SP140: variants seen among roughly 807,000 people sequenced by gnomAD.
The protein encoded by SP140 is SP140 nuclear body protein, also known as nuclear body protein SP140.
Under a neutral mutation model 125.0 loss-of-function variants are expected in SP140, and 81 were observed. The observed-to-expected ratio is 0.65, with a 90% CI of 0.54 to 0.78. The LOEUF (loss-of-function observed/expected upper bound fraction) is 0.78, where lower values mean the gene tolerates loss of function less well. SP140 is among the 30% of genes least tolerant of loss of function. The pLI, the probability that SP140 is intolerant of heterozygous loss-of-function variation, is 0.00. For missense variants in SP140, 858 were observed against 1,037.0 expected (o/e 0.83, Z 2.37); for synonymous variants, 312 against 354.0 (o/e 0.88, Z 1.33).
chr2:230,289,507 A>C (rs1311682185), intron 18 of SP140, among the ~76,000 whole-genome samples: 1 of 152,148 alleles, frequency 6.6e-6, no homozygotes, highest in Non-Finnish European at 1.5e-5. Flanking sequence ...CCCGTTTATC[A>C]TGACTTCTGT....
intron 1 of SP140, chr2:230,209,861 A>G: frequency 2.2e-6 from 2 of 894,690 alleles, no homozygotes; most frequent in Non-Finnish European, 1.9e-6. Context: ...TTGACAAGAT[A>G]CAGTCAGAAA....
intron 22 of SP140, among the ~76,000 whole-genome samples, chr2:230,307,345 T>C (rs2058855822): frequency 6.6e-6 from 1 of 152,200 alleles, no homozygotes; most frequent in South Asian, 2.1e-4. Context: ...ATGGTGAGGC[T>C]AAAAGAGCTG....
At chr2:230,272,893 A>G (rs1316363856) in intron 15 of SP140, among the ~76,000 whole-genome samples, 1 of 152,146 alleles carries the variant, frequency 6.6e-6, no homozygotes, top group East Asian at 1.9e-4. Flanking sequence ...CTAGCCATAT[A>G]CAGAAAATTG....
rs1129411 is a variant in SP140 at position 230,213,010 on chromosome 2, A to G, written c.-322-644A>G. On this transcript the variant is annotated intron_variant, in intron 1 of 4. Transcript: ENST00000456542. ...AGGATTGGTGTGTCTCTGCTCTGCC[A>G]TTCATAGGAAGCACCAACTGGGATT... is the stretch of plus-strand genomic sequence containing the variant. The G allele has an allele frequency of 0.89, 1,437,799 of 1,613,738 alleles. 641,644 individuals carry two copies. The highest frequency in any genetic ancestry group is 1 in the East Asian group (44,798 of 44,862).
chr2:230,304,374 A>T (rs1025340987), intron 22 of SP140, among the ~76,000 whole-genome samples: 3 of 152,202 alleles, frequency 2.0e-5, no homozygotes, highest in Non-Finnish European at 4.4e-5. Flanking sequence ...AAATACCATG[A>T]TCATTTTTCA....
At chr2:230,292,871 T>C in intron 20 of SP140, 83 bp downstream of exon 20, 1 of 1,586,046 alleles carries the variant, frequency 6.3e-7, no homozygotes, top group Non-Finnish European at 8.6e-7. Flanking sequence ...AAATATTTGT[T>C]AGGTTATAGC....
At chr2:230,273,146 A>T (rs2054188352) in intron 15 of SP140, among the ~76,000 whole-genome samples, 1 of 152,236 alleles carries the variant, frequency 6.6e-6, no homozygotes, top group Non-Finnish European at 1.5e-5. Context: ...CTATCATCAG[A>T]GTAAACAGAC....
At chr2:230,248,719 A>C (rs557797162) in intron 8 of SP140, among the ~76,000 whole-genome samples, 166 bp from the exon 9 acceptor site, 24 of 152,324 alleles carry the variant, frequency 1.6e-4, no homozygotes, top group African/African-American at 5.3e-4. Flanking sequence ...TGAGGAGGAC[A>C]CTGAGAATTA....
Position 230,245,011 on chromosome 2 carries a change from C to A in SP140, c.595C>A (p.Gln199Lys), listed in dbSNP as rs1279305020. The stretch of plus-strand genomic sequence containing the variant: ...AGGTTTCTCTTCAGAGTCTTGTGAG[C>A]AGTTAGCTCTCCCAAAGGCTGGTGG... ...EPGFSSESCE[Q>K]LALPKAGGGD... is the part of the protein sequence containing the mutation. The change falls in exon 6 of 27, where the codon CAG (glutamine) becomes AAG (lysine). Residue 199 changes from glutamine (Q) to lysine (K), a missense_variant. This residue lies in a region of SP140 where 791 missense variants were observed against 869.5 expected (regional missense o/e 0.91). Transcript: ENST00000392045. 1.2e-6 allele frequency: 2 copies of A among 1,612,788 alleles called. No homozygotes were observed. The highest frequency in any genetic ancestry group is 1.7e-6 in the Non-Finnish European group (2 of 1,179,140).
intron 12 of SP140, among the ~76,000 whole-genome samples, chr2:230,259,909 G>T (rs907515595): frequency 3.3e-5 from 5 of 151,740 alleles, no homozygotes; most frequent in Admixed American, 6.6e-5. Flanking sequence ...ACATGCATGT[G>T]CAAGTATCTT....
chr2:230,285,133 T>C (rs2056192470), intron 16 of SP140, among the ~76,000 whole-genome samples: 1 of 152,210 alleles, frequency 6.6e-6, no homozygotes, highest in Non-Finnish European at 1.5e-5. Flanking sequence ...CTATCTCCAA[T>C]GGTGATGTTT....
intron 18 of SP140, among the ~76,000 whole-genome samples, chr2:230,289,685 G>C (rs2056893435): frequency 6.6e-6 from 1 of 152,198 alleles, no homozygotes. Context: ...ATGTTGGCCA[G>C]GCTGGTCTCG....
At position 230,211,831 on chromosome 2, in the gene SP140, CT is replaced by C. The variant is rs2044516010; in HGVS notation, c.-322-1821del. Among the ~76,000 whole-genome samples, 1 of 152,158 alleles carries C rather than the reference CT, an allele frequency of 6.6e-6. No individual in the cohort carries two copies. The highest frequency in any genetic ancestry group is 2.4e-5 in the African/African-American group (1 of 41,418). On this transcript the variant is annotated intron_variant, in intron 1 of 4. Coordinates refer to the SP140 transcript ENST00000456542. The surrounding 1 kb of genome is among the most constrained non-coding windows in gnomAD (Gnocchi z 4.2). ...ATTATTTGGATCGAAGAGGACCCCT[CT>C]TCTCAGTACTGGAGAGCTCAGAATC...
At chr2:230,235,533 TG>T (rs1391064685) in intron 1 of SP140, among the ~76,000 whole-genome samples, 1 of 152,208 alleles carries the variant, frequency 6.6e-6, no homozygotes, top group Non-Finnish European at 1.5e-5. Context: ...GTCTGGAGAA[TG>T]GGAAATTTTA....
chr2:230,203,325 G>A (rs1393829502), intron 1 of SP140: 1 of 160,132 alleles, frequency 6.2e-6, no homozygotes, highest in East Asian at 1.8e-4. Flanking sequence ...TTCACCGGCT[G>A]TTGACTTTAG....
chr2:230,242,672 G>A (rs921340784), intron 4 of SP140, among the ~76,000 whole-genome samples: 1 of 152,136 alleles, frequency 6.6e-6, no homozygotes, highest in African/African-American at 2.4e-5. Flanking sequence ...TTCTCTCAGA[G>A]ACGGATCACT....
downstream of SP140, among the ~76,000 whole-genome samples, chr2:230,313,620 A>G (rs1190284154): frequency 1.3e-5 from 2 of 152,158 alleles, no homozygotes; most frequent in Non-Finnish European, 2.9e-5. Context: ...AACCCTCACC[A>G]TCAATCTCTT....
At chr2:230,224,430 G>GGAGGGAGAGGGAGGGAGAGA (rs1191965342), upstream of SP140, among the ~76,000 whole-genome samples, 723 of 138,398 alleles carry the variant, frequency 5.2e-3, 16 homozygotes, top group African/African-American at 0.02. Context: ...TTTTAAAGAG[G>GGAGGGAGAGGGAGGGAGAGA]GAGGGAGAGG....
chr2:230,272,235 C>T (rs534190656), intron 15 of SP140, among the ~76,000 whole-genome samples: 2 of 151,948 alleles, frequency 1.3e-5, no homozygotes, highest in Admixed American at 6.6e-5. Context: ...CACATGGAAC[C>T]AAAAAAGAGC....
Sources: gnomAD v4.1 joint callset for allele counts (sites outside exome capture counted in the v4.1 genomes callset) on GRCh38, gnomAD v4.1.1 for gene constraint, gnomAD v4.1.1 regional missense constraint, Gnocchi (gnomAD v3.1) non-coding constraint, MANE v1.5 for transcripts, NCBI Gene and HGNC (gene_info 2026-07-23, HGNC 2026-07-21) for gene names.